Variants in RANBP3 observed in about 807,000 individuals in gnomAD.
RANBP3 encodes RAN binding protein 3.
Under a neutral mutation model 77.3 loss-of-function variants are expected in RANBP3, and 14 were observed. The ratio of observed to expected loss-of-function variants is 0.18; its 90% CI spans 0.12 to 0.28. The LOEUF is 0.28. Ranked by LOEUF, RANBP3 falls within the 10% of genes least tolerant of loss-of-function variation. The probability of loss-of-function intolerance (pLI) is 1.00; values close to 1 mark genes in which losing one functional copy is unlikely to be tolerated. For missense variants in RANBP3, 586 were observed against 752.3 expected, an observed-to-expected ratio of 0.78 and a Z score of 2.59; for synonymous variants, 315 against 312.4, an observed-to-expected ratio of 1.01 and a Z score of -0.09.
At chr19:5,963,988 CT>C (rs2058434348) in intron 1 of RANBP3, among the ~76,000 whole-genome samples, 1 of 152,220 alleles carries the variant, frequency 6.6e-6, no homozygotes, top group South Asian at 2.1e-4. Flanking sequence ...CTGCTGCCCC[CT>C]GGTACCCCAG....
At chr19:5,970,879 C>T (rs2145276910) in intron 1 of RANBP3, among the ~76,000 whole-genome samples, 1 of 152,324 alleles carries the variant, frequency 6.6e-6, no homozygotes, top group African/African-American at 2.4e-5. Flanking sequence ...GTTTCTAGGG[C>T]AGAAGGCAAG....
rs1349904934 is a variant in RANBP3 at position 5,952,638 on chromosome 19, GCTT to G, written c.79-1045_79-1043del. 6.6e-6 allele frequency among the ~76,000 whole-genome samples: 1 copy of G among 152,198 alleles called. No individual in the cohort carries two copies. The highest frequency in any genetic ancestry group is 2.4e-5 in the African/African-American group (1 of 41,454). On this transcript the variant is annotated intron_variant, in intron 2 of 16. Coordinates refer to ENST00000340578, the MANE Select transcript of RANBP3 (RefSeq NM_007322.3). The surrounding 1 kb of genome is among the most constrained non-coding windows in gnomAD (Gnocchi z 4.1). ...CCCGTCTCCCCGTGGACGTGGCTGTGCTTCTTCTTGGGTGTGAAGTGGCTGACC... is the reference window on the plus strand; with the variant it reads ...CCCGTCTCCCCGTGGACGTGGCTGTGCTTCTTGGGTGTGAAGTGGCTGACC...
At chr19:5,973,469 G>A (rs1179778538) in intron 1 of RANBP3, among the ~76,000 whole-genome samples, 1 of 152,194 alleles carries the variant, frequency 6.6e-6, no homozygotes, top group East Asian at 1.9e-4. Flanking sequence ...GTAGAGGCCA[G>A]GGATCCTCAT....
At position 5,921,207 on chromosome 19, in the gene RANBP3, G is replaced by T; in HGVS notation, c.1324C>A (p.Arg442=). The T allele has an allele frequency of 6.2e-7, 1 of 1,611,202 alleles. No individual in the cohort carries two copies. Among genetic ancestry groups the T allele is most frequent in the Non-Finnish European group, 8.5e-7 (1 of 1,179,454 alleles). Residue 442 remains arginine, a synonymous_variant, in exon 14 of 17, where the codon CGA becomes AGA. Transcript: ENST00000340578. This position sits in a 1 kb window ranked among gnomAD's most constrained non-coding sequence, Gnocchi z 5.3. ...ASTDDGTLQS[R]LVMRTQGSLR... ...CCCGCCGTCGGCAGCTCACCTAGTC[G>T]GGACTGTAGTGTGCCGTCATCGGTG...
At chr19:5,940,784 C>A (rs1056765799) in intron 5 of RANBP3, among the ~76,000 whole-genome samples, 3 of 152,242 alleles carry the variant, frequency 2.0e-5, no homozygotes, top group Non-Finnish European at 4.4e-5. Context: ...AAGACAGAGG[C>A]CACGAGACAA....
chr19:5,922,889 G>T (rs1046919851), intron 13 of RANBP3, among the ~76,000 whole-genome samples: 2 of 152,208 alleles, frequency 1.3e-5, no homozygotes, highest in Admixed American at 6.5e-5. Flanking sequence ...GCAGTGAGCC[G>T]AGACTGTGCC....
intron 10 of RANBP3, 169 bp downstream of exon 10, chr19:5,925,465 G>C (rs934180892): frequency 1.6e-6 from 1 of 632,126 alleles, no homozygotes; most frequent in African/African-American, 1.8e-5. Flanking sequence ...CCACCACCCT[G>C]GCCCACCCAA....
intron 1 of RANBP3, among the ~76,000 whole-genome samples, chr19:5,974,085 C>A (rs535703652): frequency 6.6e-6 from 1 of 152,096 alleles, no homozygotes; most frequent in Non-Finnish European, 1.5e-5. Flanking sequence ...TCATGACGAC[C>A]CCGCGAGTGA....
intron 8 of RANBP3, among the ~76,000 whole-genome samples, chr19:5,928,906 A>G (rs2057950181): frequency 6.6e-6 from 1 of 152,240 alleles, no homozygotes; most frequent in South Asian, 2.1e-4. Flanking sequence ...AAGAAATTTT[A>G]AAAGGCTTTT....
At chr19:5,922,578 C>T (rs1009138455) in intron 13 of RANBP3, among the ~76,000 whole-genome samples, 4 of 152,232 alleles carry the variant, frequency 2.6e-5, no homozygotes, top group African/African-American at 9.6e-5. Flanking sequence ...ACAAATAATA[C>T]AGTTGCCAGC....
At chr19:5,928,184 A>C in intron 8 of RANBP3, 97 bp from the exon 9 acceptor site, 5 of 1,410,134 alleles carry the variant, frequency 3.5e-6, no homozygotes, top group Non-Finnish European at 4.8e-6. Context: ...TGTACTCCAC[A>C]CGTCTCCTCT....
intron 3 of RANBP3, among the ~76,000 whole-genome samples, chr19:5,942,632 C>A (rs747050244): frequency 7.1e-6 from 1 of 140,412 alleles, no homozygotes; most frequent in South Asian, 2.3e-4. Flanking sequence ...GCCCGGTAGG[C>A]GGAGCTTGCA....
intron 1 of RANBP3, among the ~76,000 whole-genome samples, chr19:5,963,681 A>C (rs1251308809): frequency 6.6e-6 from 1 of 152,202 alleles, no homozygotes; most frequent in East Asian, 1.9e-4. Context: ...ACCACTGTGG[A>C]CAACACTGGT....
chr19:5,918,591 A>C lies in RANBP3; in HGVS notation c.1378T>G (p.Trp460Gly). Residue 460 changes from tryptophan to glycine, a missense_variant, in exon 15 of 17, where the codon TGG becomes GGG. Trp to Gly is a radical substitution (Grantham distance 184). This residue lies in a region of RANBP3 where 51 missense variants were observed against 123.2 expected (regional missense o/e 0.41). Coordinates refer to ENST00000340578, the MANE Select transcript of RANBP3 (RefSeq NM_007322.3). ...SLRLILNTKL[W>G]AQMQIDKASE... ...GCCTTGTCGATCTGCATCTGGGCCC[A>C]CAGCTTGGTGTTGAGGATCAGTCGC... is the stretch of plus-strand genomic sequence containing the variant. The C allele has an allele frequency of 6.2e-7, 1 of 1,613,740 alleles. No individual in the cohort carries two copies. Among genetic ancestry groups the C allele is most frequent in the Non-Finnish European group, 8.5e-7 (1 of 1,179,898 alleles).
chr19:5,954,069 A>G (rs2058306605), intron 2 of RANBP3, among the ~76,000 whole-genome samples: 1 of 152,216 alleles, frequency 6.6e-6, no homozygotes, highest in Admixed American at 6.5e-5. Flanking sequence ...AAAACAAAAA[A>G]TTCCTCGGCT....
chr19:5,936,677 A>C (rs539061548), intron 5 of RANBP3, among the ~76,000 whole-genome samples: 50 of 152,346 alleles, frequency 3.3e-4, no homozygotes, highest in African/African-American at 1.2e-3. Context: ...AAGTAAGGGC[A>C]GTGCTCAAAT....
Position 5,932,473 on chromosome 19 carries a change from G to C in RANBP3, c.544C>G (p.Pro182Ala). The C allele has an allele frequency of 1.2e-6, 2 of 1,613,860 alleles. No individual in the cohort carries two copies. Among genetic ancestry groups the C allele is most frequent in the Non-Finnish European group, 8.5e-7 (1 of 1,180,000 alleles). Residue 182 changes from proline to alanine, a missense_variant, in exon 7 of 17, where the codon CCA (proline) becomes GCA (alanine). Pro to Ala is a conservative substitution (Grantham distance 27). Transcript: ENST00000340578. ...TTACCAGTCTGGGACAGCGCCTTTG[G>C]CTGCGGAGCTTGTAACACTGCCGGG... ...LRPAVLQAPQ[P>A]KALSQTVPSS... is the part of the protein sequence containing the mutation.
At position 5,924,273 on chromosome 19, in the gene RANBP3, G is replaced by A. The variant is rs553659582; in HGVS notation, c.997-359C>T. Among the ~76,000 whole-genome samples, 19 of 152,360 alleles carry A rather than the reference G, an allele frequency of 1.2e-4. No individual in the cohort carries two copies. Among genetic ancestry groups the A allele is most frequent in the African/African-American group, 4.6e-4 (19 of 41,584 alleles). On this transcript the variant is annotated intron_variant, in intron 11 of 16. Transcript: ENST00000340578. This position sits in a 1 kb window ranked among gnomAD's most constrained non-coding sequence, Gnocchi z 4.7. ...GAGCTAGAGTGACCAGGCGGCTCAG[G>A]ACAGGCCCTCACGCAGTCGCAATGG... is the stretch of plus-strand genomic sequence containing the variant.
At chr19:5,948,770 A>G (rs2058239430) in intron 3 of RANBP3, among the ~76,000 whole-genome samples, 2 of 152,048 alleles carry the variant, frequency 1.3e-5, no homozygotes, top group South Asian at 4.1e-4. Flanking sequence ...TCATTCCAGA[A>G]CCTCCTTAAG....
Sources: gnomAD v4.1 joint callset for allele counts (sites outside exome capture counted in the v4.1 genomes callset) on GRCh38, gnomAD v4.1.1 for gene constraint, gnomAD v4.1.1 regional missense constraint, Gnocchi (gnomAD v3.1) non-coding constraint, MANE v1.5 for transcripts, NCBI Gene and HGNC (gene_info 2026-07-23, HGNC 2026-07-21) for gene names.